CCDC50: variants seen among roughly 807,000 people sequenced by gnomAD.
CCDC50 encodes the protein coiled-coil domain-containing protein 50.
Under a neutral mutation model 70.2 loss-of-function variants are expected in CCDC50, and 54 were observed. That is an observed-to-expected ratio of 0.77 (90% CI 0.62 to 0.96). The LOEUF is 0.96. CCDC50 is among the 50% of genes least tolerant of loss of function. The probability of loss-of-function intolerance (pLI) is 0.00; values close to 1 mark genes in which losing one functional copy is unlikely to be tolerated. For synonymous variants in CCDC50, 216 were observed against 198.8 expected, an observed-to-expected ratio of 1.09 and a Z score of -0.73; for missense variants, 558 against 578.7, an observed-to-expected ratio of 0.96 and a Z score of 0.37.
At chr3:191,345,888 A>G (rs1478829770) in intron 1 of CCDC50, among the ~76,000 whole-genome samples, 2 of 152,142 alleles carry the variant, frequency 1.3e-5, no homozygotes, top group African/African-American at 2.4e-5. Context: ...ACTTATGCTT[A>G]TTACCCTTGT....
At chr3:191,389,350 A>T in intron 10 of CCDC50, 146 bp from the exon 11 acceptor site, 1 of 758,028 alleles carries the variant, frequency 1.3e-6, no homozygotes, top group South Asian at 1.4e-5. Flanking sequence ...AGGCCATGCA[A>T]CTGTCCAGGA....
At position 191,393,832 on chromosome 3, in the gene CCDC50, C is replaced by T. The variant is rs899023035; in HGVS notation, c.*2072C>T. The T allele has an allele frequency of 1.2e-4, 19 of 152,042 alleles. No individual in the cohort carries two copies. The highest frequency in any genetic ancestry group is 3.1e-4 in the African/African-American group (13 of 41,420). 9.4% of individuals were successfully genotyped at this position (152,042 alleles called of 1,614,324 possible). A position where few individuals can be genotyped will look rare whatever the true frequency, so the allele number is the denominator to read the frequency against. On this transcript the variant is annotated 3_prime_UTR_variant, in exon 12 of 12. Coordinates refer to ENST00000392455, the MANE Select transcript of CCDC50 (RefSeq NM_178335.3). Reference sequence around the variant, plus strand: ...TTTTTCTTTATCTGCCCTGTGATTTCGCTTCGTGTCCTTCAAAGTTTTTTT... The same window carrying T: ...TTTTTCTTTATCTGCCCTGTGATTTTGCTTCGTGTCCTTCAAAGTTTTTTT...
chr3:191,363,650 T>C (rs895866860), intron 4 of CCDC50, among the ~76,000 whole-genome samples: 6 of 152,230 alleles, frequency 3.9e-5, no homozygotes, highest in Admixed American at 6.5e-5. Flanking sequence ...TATGGTGTGA[T>C]TTGAGAGGTC....
At chr3:191,385,542 A>G (rs1713460864) in intron 10 of CCDC50, among the ~76,000 whole-genome samples, 2 of 152,116 alleles carry the variant, frequency 1.3e-5, no homozygotes, top group Non-Finnish European at 2.9e-5. Flanking sequence ...TAAAGAGTCC[A>G]GATATTAATC....
intron 4 of CCDC50, among the ~76,000 whole-genome samples, chr3:191,366,446 G>A (rs193018804): frequency 6.6e-6 from 1 of 152,176 alleles, no homozygotes; most frequent in African/African-American, 2.4e-5. Flanking sequence ...TTCAATTAAT[G>A]TATTTACTAG....
intron 1 of CCDC50, among the ~76,000 whole-genome samples, chr3:191,355,047 A>G (rs1441200149): frequency 2.0e-5 from 3 of 152,148 alleles, no homozygotes; most frequent in African/African-American, 4.8e-5. Context: ...ATGAGAGCCA[A>G]CTGTCCTCTG....
At chr3:191,336,224 TAAAATTGTCA>T (rs1455275119) in intron 1 of CCDC50, among the ~76,000 whole-genome samples, 2 of 152,152 alleles carry the variant, frequency 1.3e-5, no homozygotes, top group African/African-American at 4.8e-5. Flanking sequence ...GAGTGCATGT[TAAAATTGTCA>T]AACTGTTTTT....
intron 1 of CCDC50, among the ~76,000 whole-genome samples, chr3:191,342,446 T>C (rs1438304746): frequency 6.6e-6 from 1 of 152,112 alleles, no homozygotes; most frequent in Non-Finnish European, 1.5e-5. Flanking sequence ...AATGGAAATA[T>C]CTGACTCAAA....
intron 5 of CCDC50, 100 bp from the exon 6 acceptor site, chr3:191,374,962 C>A: frequency 2.5e-6 from 3 of 1,213,962 alleles, no homozygotes; most frequent in African/African-American, 1.5e-5. Flanking sequence ...TTTTAAAGTA[C>A]GTTAAACTGG....
chr3:191,375,898 AGATTCT>A (rs917403443), intron 6 of CCDC50, among the ~76,000 whole-genome samples: 26 of 152,136 alleles, frequency 1.7e-4, no homozygotes, highest in African/African-American at 6.0e-4. Flanking sequence ...TGTGTATCAG[AGATTCT>A]GATACCAAAT....
chr3:191,349,474 G>T (rs1427886789), intron 1 of CCDC50, among the ~76,000 whole-genome samples: 1 of 141,832 alleles, frequency 7.1e-6, no homozygotes, highest in Non-Finnish European at 1.6e-5. Context: ...AGGGCAAGTG[G>T]TAGGTCCCAA....
intron 1 of CCDC50, among the ~76,000 whole-genome samples, chr3:191,352,589 A>C (rs1712140225): frequency 7.0e-6 from 1 of 142,644 alleles, no homozygotes; most frequent in African/African-American, 2.5e-5. Flanking sequence ...GTTTAGACTG[A>C]ATTCCATCGT....
intron 1 of CCDC50, among the ~76,000 whole-genome samples, chr3:191,331,353 TCG>T (rs1280510663): frequency 6.6e-6 from 1 of 152,218 alleles, no homozygotes; most frequent in African/African-American, 2.4e-5. Flanking sequence ...TCTTCTGATT[TCG>T]TACCAAGACA....
rs536222432 is a variant in CCDC50, at chr3:191,386,475, T to C, written c.1323-3021T>C. Among the ~76,000 whole-genome samples, 3 of 152,300 alleles carry C rather than the reference T, an allele frequency of 2.0e-5. No individual in the cohort carries two copies. In the South Asian group the frequency reaches 6.2e-4, roughly 32 times the overall value. On this transcript the variant is annotated intron_variant, in intron 10 of 11. Coordinates refer to ENST00000392455, the MANE Select transcript of CCDC50 (RefSeq NM_178335.3). ...CCTGACCTCAGGTGATCTGCCCGCC[T>C]CGGCCTCTCAAAGTGCTGCGATTAC...
chr3:191,330,974 A>G (rs150071884), intron 1 of CCDC50, among the ~76,000 whole-genome samples: 180 of 152,306 alleles, frequency 1.2e-3, no homozygotes, highest in African/African-American at 4.1e-3. Context: ...CGTCCCTGGT[A>G]TGGCTTTGAT....
intron 1 of CCDC50, 133 bp downstream of exon 1, chr3:191,329,856 C>T: frequency 1.3e-6 from 1 of 788,902 alleles, no homozygotes; most frequent in South Asian, 1.7e-5. Context: ...CTTGCCCGGA[C>T]GTGAAAGGAA....
At chr3:191,337,168 G>GA (rs60939957) in intron 1 of CCDC50, among the ~76,000 whole-genome samples, 120 of 141,004 alleles carry the variant, frequency 8.5e-4, no homozygotes, top group African/African-American at 1.3e-3. Context: ...ATACTAGACA[G>GA]AAAAAAAAAA....
intron 1 of CCDC50, 124 bp from the exon 2 acceptor site, chr3:191,356,964 A>C (rs1210046605): frequency 2.8e-6 from 2 of 722,354 alleles, no homozygotes; most frequent in Non-Finnish European, 4.9e-6. Flanking sequence ...TGAGAATTAT[A>C]AAGTGTGTCA....
intron 1 of CCDC50, 121 bp from the exon 2 acceptor site, chr3:191,356,967 G>C: frequency 1.4e-6 from 1 of 725,326 alleles, no homozygotes; most frequent in Non-Finnish European, 2.5e-6. Flanking sequence ...GAATTATAAA[G>C]TGTGTCATTC....
Sources: allele counts gnomAD v4.1 joint callset (sites outside exome capture counted in the v4.1 genomes callset), GRCh38; gene constraint gnomAD v4.1.1; transcripts MANE v1.5; gene names NCBI Gene and HGNC (gene_info 2026-07-23, HGNC 2026-07-21).